Variants in FIG4 observed in about 807,000 individuals in gnomAD.
FIG4 encodes polyphosphoinositide phosphatase.
FIG4 carries 112 observed loss-of-function variants against 118.6 expected under a neutral mutation model. The ratio of observed to expected loss-of-function variants is 0.94; its 90% CI spans 0.81 to 1.11. The LOEUF is 1.11. Among genes scored for constraint, FIG4 ranks in the 50% least tolerant of loss-of-function variants. FIG4 has a pLI of 0.00. For synonymous variants in FIG4, 369 were observed against 381.2 expected (o/e 0.97, Z 0.37); for missense variants, 969 against 1,111.7 (o/e 0.87, Z 1.83).
At chr6:109,784,949 T>G in intron 16 of FIG4, 21 bp from the exon 17 acceptor site, 2 of 1,368,854 alleles carry the variant, frequency 1.5e-6, no homozygotes, top group Middle Eastern at 2.1e-4. Context: ...TTCATCTTTT[T>G]TTTTAATTTT....
At chr6:109,699,494 G>C in intron 1 of FIG4, among the ~76,000 whole-genome samples, 1 of 143,570 alleles carries the variant, frequency 7.0e-6, no homozygotes, top group East Asian at 2.1e-4. Flanking sequence ...GTTTTTTTTT[G>C]TTTGTTTTTT....
Position 109,735,222 on chromosome 6 carries a change from G to A in FIG4, c.570G>A (p.Lys190=). 1 of 1,613,408 alleles carries A rather than the reference G, an allele frequency of 6.2e-7. No homozygotes were observed. Among genetic ancestry groups the A allele is most frequent in the Non-Finnish European group, 8.5e-7 (1 of 1,179,502 alleles). The change falls in exon 6 of 23, where the codon AAG becomes AAA. Residue 190 remains lysine (K), a synonymous_variant. Transcript: ENST00000230124. ...TVLRMPLEML[K]SEMTQNRQES... ...TGCGAATGCCCCTGGAGATGTTAAA[G>A]TCAGAAATGACCCAGAATCGCCAAG...
At chr6:109,748,345 A>G (rs554544813) in intron 10 of FIG4, among the ~76,000 whole-genome samples, 1 of 152,288 alleles carries the variant, frequency 6.6e-6, no homozygotes, top group African/African-American at 2.4e-5. Flanking sequence ...TTTTGGCAAT[A>G]CTGTGATCGA....
chr6:109,743,854 C>A, intron 10 of FIG4, 82 bp downstream of exon 10: 1 of 904,644 alleles, frequency 1.1e-6, no homozygotes, highest in Non-Finnish European at 1.8e-6. Flanking sequence ...GTTAACAAGC[C>A]ATGCTTTCCC....
intron 1 of FIG4, among the ~76,000 whole-genome samples, chr6:109,692,698 T>G (rs1162083815): frequency 6.7e-6 from 1 of 149,462 alleles, no homozygotes; most frequent in Non-Finnish European, 1.5e-5. Context: ...ATAAATAACT[T>G]TTTTTTTTTT....
Position 109,762,105 on chromosome 6 carries a change from T to C in FIG4, c.1286T>C (p.Val429Ala). The change falls in exon 12 of 23, where the codon GTT becomes GCT. Residue 429 changes from valine to alanine, a missense_variant. By Grantham distance (64) the Val-to-Ala change is moderately conservative (BLOSUM62 0). Coordinates refer to ENST00000230124, the MANE Select transcript of FIG4 (RefSeq NM_014845.6). The stretch of plus-strand genomic sequence containing the variant: ...TCTCTCCTCAGCAAGCTGTGTAATG[T>C]TCTTGATCGACTAAATGTGATTGCA... ...AKYTKSKLCN[V>A]LDRLNVIAES... is the part of the protein sequence containing the mutation. 3 of 1,609,902 alleles carry C rather than the reference T, an allele frequency of 1.9e-6. No homozygotes were observed. Among genetic ancestry groups the C allele is most frequent in the Non-Finnish European group, 2.6e-6 (3 of 1,176,198 alleles).
intron 1 of FIG4, among the ~76,000 whole-genome samples, chr6:109,710,658 T>G (rs1020559840): frequency 6.6e-6 from 1 of 152,188 alleles, no homozygotes; most frequent in Non-Finnish European, 1.5e-5. Flanking sequence ...GTTTCAGAGC[T>G]TATTACTGGT....
chr6:109,744,518 C>G (rs9400320), intron 10 of FIG4, among the ~76,000 whole-genome samples: 69,862 of 150,962 alleles, frequency 0.46, 17,563 homozygotes, highest in African/African-American at 0.67. Flanking sequence ...TTGGTGGTGT[C>G]CAACAATCTA....
intron 22 of FIG4, among the ~76,000 whole-genome samples, chr6:109,819,907 C>A (rs1483788330): frequency 6.6e-6 from 1 of 152,174 alleles, no homozygotes; most frequent in East Asian, 1.9e-4. Context: ...TCTACTAAAT[C>A]TTTCTTAAAA....
intron 3 of FIG4, among the ~76,000 whole-genome samples, chr6:109,725,566 T>C (rs1415254831): frequency 6.6e-6 from 1 of 152,202 alleles, no homozygotes; most frequent in African/African-American, 2.4e-5. Flanking sequence ...AGTAAACATA[T>C]GTGTGCATGT....
At chr6:109,762,557 G>A (rs1036278473) in intron 12 of FIG4, among the ~76,000 whole-genome samples, 3 of 150,182 alleles carry the variant, frequency 2.0e-5, no homozygotes, top group African/African-American at 7.4e-5. Flanking sequence ...TATAAAAATA[G>A]TATTGTATTA....
chr6:109,756,469 T>A (rs1335903607), intron 10 of FIG4, among the ~76,000 whole-genome samples: 1 of 152,038 alleles, frequency 6.6e-6, no homozygotes, highest in Non-Finnish European at 1.5e-5. Flanking sequence ...ATTTCCTGAA[T>A]CTGAATGTTG....
intron 10 of FIG4, among the ~76,000 whole-genome samples, chr6:109,752,580 T>G (rs1317314152): frequency 1.3e-5 from 2 of 152,274 alleles, no homozygotes; most frequent in East Asian, 3.8e-4. Flanking sequence ...TGCGTTTCTC[T>G]GATGACCAGT....
chr6:109,708,145 C>T (rs1775145862), intron 1 of FIG4, among the ~76,000 whole-genome samples: 1 of 152,108 alleles, frequency 6.6e-6, no homozygotes, highest in Non-Finnish European at 1.5e-5. Context: ...TCTCCCTCCT[C>T]CCACCCTCCA....
intron 21 of FIG4, among the ~76,000 whole-genome samples, chr6:109,795,094 A>AGTT (rs1778240173): frequency 2.6e-5 from 2 of 77,190 alleles, no homozygotes; most frequent in African/African-American, 7.8e-5. Flanking sequence ...TACACTTGCC[A>AGTT]GTTTTTTTTT....
chr6:109,772,071 C>T (rs930715193), intron 15 of FIG4, among the ~76,000 whole-genome samples: 12 of 152,144 alleles, frequency 7.9e-5, no homozygotes, highest in African/African-American at 1.9e-4. Flanking sequence ...GCCATGACAC[C>T]GAAACTGTAC....
intron 22 of FIG4, among the ~76,000 whole-genome samples, chr6:109,823,996 C>G (rs993194504): frequency 6.6e-6 from 1 of 152,114 alleles, no homozygotes; most frequent in African/African-American, 2.4e-5. Context: ...ATGCACACTC[C>G]GTACACACAC....
intron 8 of FIG4, 126 bp from the exon 9 acceptor site, chr6:109,742,984 T>G: frequency 1.2e-6 from 1 of 864,228 alleles, no homozygotes; most frequent in Non-Finnish European, 1.8e-6. Context: ...TATTTACCTC[T>G]CAAGACTTTC....
At chr6:109,739,934 A>T (rs189129840) in intron 7 of FIG4, among the ~76,000 whole-genome samples, 1 of 152,138 alleles carries the variant, frequency 6.6e-6, no homozygotes, top group African/African-American at 2.4e-5. Context: ...GAAAGGCTAG[A>T]TAAAAGCACA....
Sources: gnomAD v4.1 joint callset for allele counts (sites outside exome capture counted in the v4.1 genomes callset) on GRCh38, gnomAD v4.1.1 for gene constraint, MANE v1.5 for transcripts, NCBI Gene and HGNC (gene_info 2026-07-23, HGNC 2026-07-21) for gene names.